The following GALNT18 variants were observed in gnomAD, a reference collection of about 807,000 sequenced individuals.
GALNT18 encodes the protein GalNAc-transferase 18.
A neutral mutation model predicts 69.5 loss-of-function variants in GALNT18; 44 were observed. The observed-to-expected ratio is 0.63, with a 90% CI of 0.50 to 0.81. The LOEUF (loss-of-function observed/expected upper bound fraction) is 0.81, where lower values mean the gene tolerates loss of function less well. GALNT18 is among the 40% of genes least tolerant of loss of function. The probability of loss-of-function intolerance (pLI) is 0.00; values close to 1 mark genes in which losing one functional copy is unlikely to be tolerated. For synonymous variants in GALNT18, 364 were observed against 318.2 expected, an observed-to-expected ratio of 1.14 and a Z score of -1.53; for missense variants, 715 against 810.0, an observed-to-expected ratio of 0.88 and a Z score of 1.42.
At chr11:11,557,860 G>A (rs553930167) in intron 1 of GALNT18, among the ~76,000 whole-genome samples, 1 of 152,316 alleles carries the variant, frequency 6.6e-6, no homozygotes, top group South Asian at 2.1e-4. Flanking sequence ...ATCACAGCTG[G>A]TCCGTGTACA....
At chr11:11,287,619 G>A (rs978296007) in intron 10 of GALNT18, among the ~76,000 whole-genome samples, 2 of 152,208 alleles carry the variant, frequency 1.3e-5, no homozygotes, top group Non-Finnish European at 2.9e-5. Flanking sequence ...TCAGAAGGTT[G>A]AAAGACATAT....
intron 5 of GALNT18, among the ~76,000 whole-genome samples, chr11:11,376,900 ATCT>A (rs1179852591): frequency 6.6e-6 from 1 of 152,174 alleles, no homozygotes; most frequent in Non-Finnish European, 1.5e-5. Flanking sequence ...TGGGAACCAA[ATCT>A]TCATCACTCC....
chr11:11,492,565 C>T (rs1423983970), intron 1 of GALNT18, among the ~76,000 whole-genome samples: 1 of 152,078 alleles, frequency 6.6e-6, no homozygotes, highest in African/African-American at 2.4e-5. Flanking sequence ...TATTGTGCAG[C>T]CATAAAAAAG....
chr11:11,291,569 G>T (rs1176823386), intron 10 of GALNT18, among the ~76,000 whole-genome samples: 3 of 152,194 alleles, frequency 2.0e-5, no homozygotes, highest in African/African-American at 7.2e-5. Context: ...ACAGGAAGGA[G>T]CAGGAGCCAT....
chr11:11,303,116 T>G (rs1239559665), intron 9 of GALNT18, among the ~76,000 whole-genome samples: 5 of 152,086 alleles, frequency 3.3e-5, no homozygotes, highest in Non-Finnish European at 7.4e-5. Flanking sequence ...GTGAACAACC[T>G]CCTCTATTGG....
At chr11:11,275,266 G>T (rs372460297) in intron 10 of GALNT18, among the ~76,000 whole-genome samples, 1 of 152,172 alleles carries the variant, frequency 6.6e-6, no homozygotes, top group Non-Finnish European at 1.5e-5. Context: ...ATCTCATTGC[G>T]GTTTTGATTT....
intron 3 of GALNT18, among the ~76,000 whole-genome samples, chr11:11,385,298 AT>A (rs113464471): frequency 0.1 from 14,836 of 146,196 alleles, 772 homozygotes; most frequent in Admixed American, 0.16. Flanking sequence ...TGGGGATCAA[AT>A]TTTTTTTTTT....
At chr11:11,361,136 G>A (rs1215758321) in intron 6 of GALNT18, among the ~76,000 whole-genome samples, 1 of 152,178 alleles carries the variant, frequency 6.6e-6, no homozygotes, top group Non-Finnish European at 1.5e-5. Context: ...TTCCCAGCAG[G>A]GGGAAAGTGA....
In GALNT18 at chr11:11,540,831, G is replaced by T. The variant is rs773123010; in HGVS notation, c.235+80528C>A. On this transcript the variant is annotated intron_variant, in intron 1 of 10. Coordinates refer to ENST00000227756, the MANE Select transcript of GALNT18 (RefSeq NM_198516.3). This position sits in a 1 kb window ranked among gnomAD's most constrained non-coding sequence, Gnocchi z 4.6. Reference sequence around the variant, plus strand: ...AGGACCCAGACAGAAACAGGTAATTGGCAGGAAGGTAGATATGGTGGTGGT... The same window carrying T: ...AGGACCCAGACAGAAACAGGTAATTTGCAGGAAGGTAGATATGGTGGTGGT... Among the ~76,000 whole-genome samples, 6 of 152,064 alleles carry T rather than the reference G, an allele frequency of 3.9e-5. No homozygotes were observed. The highest frequency in any genetic ancestry group is 5.9e-5 in the Non-Finnish European group (4 of 68,028).
chr11:11,311,059 G>C (rs994418340), intron 9 of GALNT18, among the ~76,000 whole-genome samples: 31 of 152,182 alleles, frequency 2.0e-4, no homozygotes, highest in African/African-American at 7.5e-4. Flanking sequence ...TTTTGGAGGT[G>C]TATGGGGATG....
At chr11:11,597,884 T>G (rs569543764) in intron 1 of GALNT18, among the ~76,000 whole-genome samples, 2 of 152,182 alleles carry the variant, frequency 1.3e-5, no homozygotes, top group South Asian at 2.1e-4. Flanking sequence ...ATGGTCTCGA[T>G]CTCCTGATCT....
intron 1 of GALNT18, among the ~76,000 whole-genome samples, chr11:11,508,814 C>T (rs1425734249): frequency 6.6e-6 from 1 of 152,204 alleles, no homozygotes; most frequent in Non-Finnish European, 1.5e-5. Flanking sequence ...TACCAATACT[C>T]AATTACTCCA....
In GALNT18 at chr11:11,486,904, A is replaced by G. The variant is rs570705189; in HGVS notation, c.236-37968T>C. 1.1e-4 allele frequency among the ~76,000 whole-genome samples: 17 copies of G among 152,372 alleles called. No individual in the cohort carries two copies. In the South Asian group the frequency reaches 3.5e-3, roughly 32 times the overall value. ...AAGAGCTGTGTATGTGAGGGAAGGA[A>G]TAAATGTTCCTGCCATCTCCCTCAC... is the stretch of plus-strand genomic sequence containing the variant. On this transcript the variant is annotated intron_variant, in intron 1 of 10. Transcript: ENST00000227756.
intron 1 of GALNT18, among the ~76,000 whole-genome samples, chr11:11,547,636 A>G (rs1054393150): frequency 2.0e-5 from 3 of 152,194 alleles, no homozygotes; most frequent in Non-Finnish European, 4.4e-5. Context: ...TGCTTGCTCA[A>G]GCAAGCCCCT....
chr11:11,541,052 CAG>C lies in GALNT18; in HGVS notation c.235+80305_235+80306del, dbSNP rs999516784. ...TGATGCTCCCTTGCTCCTGTTAAAA[CAG>C]GGGCAAACAATACACTTCCCTGCAT... On this transcript the variant is annotated intron_variant, in intron 1 of 10. Coordinates refer to ENST00000227756, the MANE Select transcript of GALNT18 (RefSeq NM_198516.3). This position sits in a 1 kb window ranked among gnomAD's most constrained non-coding sequence, Gnocchi z 4.8. Among the ~76,000 whole-genome samples the C allele has an allele frequency of 6.6e-6, 1 of 152,178 alleles. No individual in the cohort carries two copies. Among genetic ancestry groups the C allele is most frequent in the Non-Finnish European group, 1.5e-5 (1 of 68,018 alleles).
chr11:11,327,216 G>C (rs1849938501), intron 8 of GALNT18, 35 bp from the exon 9 acceptor site: 1 of 1,372,906 alleles, frequency 7.3e-7, no homozygotes, highest in Non-Finnish European at 1.0e-6. Context: ...ACACCAAAGA[G>C]AGAGGAACAG....
intron 1 of GALNT18, among the ~76,000 whole-genome samples, chr11:11,501,846 G>T (rs1038128049): frequency 1.3e-5 from 2 of 152,128 alleles, no homozygotes; most frequent in Non-Finnish European, 2.9e-5. Context: ...TGACTGCCTC[G>T]CCTGGGAAGG....
intron 3 of GALNT18, among the ~76,000 whole-genome samples, chr11:11,414,629 AG>A (rs1219745740): frequency 2.0e-5 from 3 of 152,118 alleles, no homozygotes; most frequent in Non-Finnish European, 4.4e-5. Flanking sequence ...ATGTCTTTTA[AG>A]GCATTTATTA....
chr11:11,551,643 T>C (rs1340956203), intron 1 of GALNT18, among the ~76,000 whole-genome samples: 1 of 152,212 alleles, frequency 6.6e-6, no homozygotes. Context: ...ACCAGGTAAC[T>C]GCCCATTTTC....
Sources: gnomAD v4.1 joint callset for allele counts (sites outside exome capture counted in the v4.1 genomes callset) on GRCh38, gnomAD v4.1.1 for gene constraint, Gnocchi (gnomAD v3.1) non-coding constraint, MANE v1.5 for transcripts, NCBI Gene and HGNC (gene_info 2026-07-23, HGNC 2026-07-21) for gene names.